The following FRMD5 variants were observed in gnomAD, a reference collection of about 807,000 sequenced individuals.
FRMD5 encodes the protein FERM domain-containing protein 5.
Under a neutral mutation model 69.0 loss-of-function variants are expected in FRMD5, and 20 were observed. That is an observed-to-expected ratio of 0.29 (90% CI 0.20 to 0.42). FRMD5 has a LOEUF of 0.42. FRMD5 is among the 10% of genes least tolerant of loss of function. The probability of loss-of-function intolerance (pLI) is 1.00; values close to 1 mark genes in which losing one functional copy is unlikely to be tolerated. For synonymous variants in FRMD5, 271 were observed against 260.1 expected, an observed-to-expected ratio of 1.04 and a Z score of -0.40; for missense variants, 595 against 708.6, an observed-to-expected ratio of 0.84 and a Z score of 1.82.
At chr15:43,901,201 C>T (rs781747243) in intron 7 of FRMD5, among the ~76,000 whole-genome samples, 2 of 152,156 alleles carry the variant, frequency 1.3e-5, no homozygotes, top group African/African-American at 2.4e-5. Flanking sequence ...TCTCAAAGCC[C>T]ACAGGAAGAA....
At chr15:43,897,464 G>T (rs1214353976) in intron 7 of FRMD5, among the ~76,000 whole-genome samples, 2 of 121,560 alleles carry the variant, frequency 1.6e-5, no homozygotes, top group South Asian at 2.6e-4. Context: ...TCCAGTCTGG[G>T]CAACAAGAGT....
chr15:44,127,046 C>CT (rs2077033053), intron 1 of FRMD5, among the ~76,000 whole-genome samples: 1 of 152,172 alleles, frequency 6.6e-6, no homozygotes, highest in Non-Finnish European at 1.5e-5. Flanking sequence ...AACAATCTTT[C>CT]TGTATTCTAT....
At position 43,914,088 on chromosome 15, in the gene FRMD5, A is replaced by G. The variant is rs118055610; in HGVS notation, c.330-4109T>C. The stretch of plus-strand genomic sequence containing the variant: ...AGTGTGAATCAGGACAGAATTAGCA[A>G]GAGCCTGCAAGATGCCAGGGAAAAC... On this transcript the variant is annotated intron_variant, in intron 4 of 13. Transcript: ENST00000417257. 1.2e-3 allele frequency among the ~76,000 whole-genome samples: 176 copies of G among 152,324 alleles called. 5 individuals are homozygous for G. The East Asian group carries it at 0.029, about 26-fold the overall frequency.
At chr15:43,999,472 T>A (rs1890083163) in intron 1 of FRMD5, among the ~76,000 whole-genome samples, 2 of 152,162 alleles carry the variant, frequency 1.3e-5, no homozygotes, top group Admixed American at 6.5e-5. Flanking sequence ...TACACCCATT[T>A]AAAAACTTTT....
At chr15:44,182,550 C>A (rs561729947) in intron 1 of FRMD5, among the ~76,000 whole-genome samples, 27 of 150,542 alleles carry the variant, frequency 1.8e-4, no homozygotes, top group Non-Finnish European at 3.1e-4. Flanking sequence ...AGGATGGTCT[C>A]GATCTGACCT....
intron 1 of FRMD5, among the ~76,000 whole-genome samples, chr15:44,113,146 C>T (rs559668748): frequency 6.6e-6 from 1 of 152,198 alleles, no homozygotes; most frequent in African/African-American, 2.4e-5. Flanking sequence ...TGACTATATC[C>T]CCAAGAACAC....
chr15:43,994,399 A>G (rs1457014015), intron 1 of FRMD5, among the ~76,000 whole-genome samples: 1 of 152,054 alleles, frequency 6.6e-6, no homozygotes, highest in Non-Finnish European at 1.5e-5. Context: ...CAACATTTAC[A>G]TCTTTTTATA....
At chr15:43,929,374 G>T (rs942156024) in intron 1 of FRMD5, among the ~76,000 whole-genome samples, 4 of 152,220 alleles carry the variant, frequency 2.6e-5, no homozygotes, top group Admixed American at 6.5e-5. Flanking sequence ...GCAGCATCCT[G>T]ATGAGAGAAG....
chr15:44,180,317 CAT>C (rs979995683), intron 1 of FRMD5, among the ~76,000 whole-genome samples: 7 of 152,060 alleles, frequency 4.6e-5, no homozygotes, highest in Non-Finnish European at 7.4e-5. Flanking sequence ...AATCAATTAA[CAT>C]ATATTACAAA....
At chr15:44,040,482 C>T (rs1401512689) in intron 1 of FRMD5, among the ~76,000 whole-genome samples, 1 of 152,162 alleles carries the variant, frequency 6.6e-6, no homozygotes, top group Non-Finnish European at 1.5e-5. Context: ...AGAAACCCTA[C>T]AAGTCAGAAG....
chr15:43,901,184 A>C lies in FRMD5; in HGVS notation c.639+991T>G, dbSNP rs192217805. Among the ~76,000 whole-genome samples the C allele has an allele frequency of 1.2e-4, 18 of 152,150 alleles. No individual in the cohort carries two copies. The East Asian group carries it at 3.3e-3, about 28-fold the overall frequency. On this transcript the variant is annotated intron_variant, in intron 7 of 13. Coordinates refer to ENST00000417257, the MANE Select transcript of FRMD5 (RefSeq NM_032892.5). ...GGCCAAGGAGAGGGGCCTGGAAAGG[A>C]TCCTTCTCTCAAAGCCCACAGGAAG...
In FRMD5 at chr15:44,014,455, G is replaced by A. The variant is rs187674785; in HGVS notation, c.103-90146C>T. On this transcript the variant is annotated intron_variant, in intron 1 of 13. Transcript: ENST00000417257. The stretch of plus-strand genomic sequence containing the variant: ...TGGGTATAATAAGAATATCTACCTC[G>A]GCTGGGTGTGGTAGCTCACGCCTGT... 3.0e-3 allele frequency among the ~76,000 whole-genome samples: 459 copies of A among 152,194 alleles called. 2 individuals are homozygous for A. Among genetic ancestry groups the A allele is most frequent in the Non-Finnish European group, 4.8e-3 (324 of 68,014 alleles).
rs187484885 is a variant in FRMD5, at chr15:44,108,196, C to T, written c.102+86757G>A. ...CTGCTAAACTGAAAATACTTACTGT[C>T]TGGACTTTTATTTTTAACAGTCTCC... On this transcript the variant is annotated intron_variant, in intron 1 of 13. Coordinates refer to ENST00000417257, the MANE Select transcript of FRMD5 (RefSeq NM_032892.5). 2.6e-5 allele frequency among the ~76,000 whole-genome samples: 4 copies of T among 152,268 alleles called. No individual in the cohort carries two copies. In the East Asian group the frequency reaches 5.8e-4, roughly 22 times the overall value.
chr15:44,019,661 C>T (rs560015166), intron 1 of FRMD5, among the ~76,000 whole-genome samples: 11 of 139,896 alleles, frequency 7.9e-5, no homozygotes, highest in South Asian at 2.3e-4. Context: ...CGCCTGAACC[C>T]GGGAAGCGGA....
chr15:43,933,389 T>C (rs1273450599), intron 1 of FRMD5, among the ~76,000 whole-genome samples: 9 of 152,322 alleles, frequency 5.9e-5, no homozygotes, highest in African/African-American at 2.2e-4. Flanking sequence ...CCTGGAGGGC[T>C]TGTTAAAATA....
chr15:44,133,771 T>A (rs1022804141), intron 1 of FRMD5, among the ~76,000 whole-genome samples: 1 of 152,058 alleles, frequency 6.6e-6, no homozygotes, highest in African/African-American at 2.4e-5. Context: ...AAGAAGCCTA[T>A]ATAAAATTCA....
intron 1 of FRMD5, among the ~76,000 whole-genome samples, chr15:44,148,503 C>A (rs1277514603): frequency 6.6e-6 from 1 of 152,142 alleles, no homozygotes; most frequent in Non-Finnish European, 1.5e-5. Context: ...TATCTCCTGA[C>A]CTCATGATCC....
chr15:43,894,583 T>G (rs1595491073), intron 7 of FRMD5, among the ~76,000 whole-genome samples: 9 of 141,442 alleles, frequency 6.4e-5, no homozygotes, highest in South Asian at 2.3e-4. Flanking sequence ...GAAGGAGAGG[T>G]GGAGGGATGG....
At chr15:44,194,765 G>A (rs1216892442) in intron 1 of FRMD5, 188 bp downstream of exon 1, 3 of 681,332 alleles carry the variant, frequency 4.4e-6, no homozygotes, top group Middle Eastern at 2.6e-4. Context: ...GACACACCGG[G>A]TGCCAGGGCT....
Sources: gnomAD v4.1 joint callset for allele counts (sites outside exome capture counted in the v4.1 genomes callset) on GRCh38, gnomAD v4.1.1 for gene constraint, MANE v1.5 for transcripts, NCBI Gene and HGNC (gene_info 2026-07-23, HGNC 2026-07-21) for gene names.